The following EDA variants were observed in gnomAD, a reference collection of about 807,000 sequenced individuals.
The protein encoded by EDA is ectodysplasin A.
EDA carries 2 observed loss-of-function variants against 23.6 expected under a neutral mutation model. That is an observed-to-expected ratio of 0.08 (90% CI 0.03 to 0.27). EDA has a LOEUF of 0.27. Among genes scored for constraint, EDA ranks in the 10% least tolerant of loss-of-function variants. The pLI is 1.00. For synonymous variants in EDA, 131 were observed against 132.0 expected, an observed-to-expected ratio of 0.99 and a Z score of 0.05; for missense variants, 229 against 324.2, an observed-to-expected ratio of 0.71 and a Z score of 2.26.
At chrX:69,833,229 A>T (rs1392975282) in intron 1 of EDA, among the ~76,000 whole-genome samples, 2 of 111,627 alleles carry the variant, frequency 1.8e-5, no homozygotes, top group Non-Finnish European at 3.8e-5. Context: ...TACCTAATTT[A>T]TTGAGAGTTT....
In EDA at chrX:69,874,445, C is replaced by G. The variant is rs143486808; in HGVS notation, c.397-82582C>G. Among the ~76,000 whole-genome samples, 304 of 111,933 alleles carry G rather than the reference C, an allele frequency of 2.7e-3. No individual in the cohort carries two copies. The Middle Eastern group carries it at 0.05, about 19-fold the overall frequency. On this transcript the variant is annotated intron_variant, in intron 1 of 7. Coordinates refer to ENST00000374552, the MANE Select transcript of EDA (RefSeq NM_001399.5). Reference sequence around the variant, plus strand: ...AAAGCATTTGACAAAATCCATCATCCCTTTATGTTTAAAACCCTCAGCAAA... The same window carrying G: ...AAAGCATTTGACAAAATCCATCATCGCTTTATGTTTAAAACCCTCAGCAAA...
intron 1 of EDA, among the ~76,000 whole-genome samples, chrX:69,676,789 G>A (rs1001230073): frequency 2.7e-5 from 3 of 110,888 alleles, no homozygotes; most frequent in Non-Finnish European, 5.7e-5. Context: ...TCCATAATAT[G>A]AGCCCAACCT....
At chrX:69,980,301 G>T (rs921739431) in intron 2 of EDA, among the ~76,000 whole-genome samples, 6 of 111,674 alleles carry the variant, frequency 5.4e-5, no homozygotes, top group Admixed American at 1.9e-4. Flanking sequence ...ATATAGGTAT[G>T]TCTGTGCCTT....
chrX:69,726,557 C>G (rs2012811136), intron 1 of EDA, among the ~76,000 whole-genome samples: 1 of 112,367 alleles, frequency 8.9e-6, no homozygotes, highest in South Asian at 3.7e-4. Context: ...GTCTGGCATT[C>G]AATAAAAATA....
chrX:69,766,926 C>G (rs971421996), intron 1 of EDA, among the ~76,000 whole-genome samples: 1 of 112,034 alleles, frequency 8.9e-6, no homozygotes, highest in Non-Finnish European at 1.9e-5. Flanking sequence ...ATAAGCATTC[C>G]CTTTTCTCTA....
At chrX:69,710,542 A>C (rs1389767980) in intron 1 of EDA, among the ~76,000 whole-genome samples, 1 of 111,568 alleles carries the variant, frequency 9.0e-6, no homozygotes, top group Non-Finnish European at 1.9e-5. Flanking sequence ...TCATTGGTAA[A>C]TTGATGGGGA....
At chrX:70,024,599 C>T (rs753599418) in intron 3 of EDA, among the ~76,000 whole-genome samples, 6 of 112,833 alleles carry the variant, frequency 5.3e-5, no homozygotes, top group Non-Finnish European at 9.4e-5. Flanking sequence ...GAAGACAGTG[C>T]ACATAGGCTT....
At chrX:69,641,454 C>T (rs1434930729) in intron 1 of EDA, among the ~76,000 whole-genome samples, 2 of 110,653 alleles carry the variant, frequency 1.8e-5, no homozygotes, top group African/African-American at 6.6e-5. Flanking sequence ...TGGGAAACAC[C>T]CAAGTCAGTA....
At chrX:69,992,860 T>C (rs748632073) in intron 2 of EDA, among the ~76,000 whole-genome samples, 2 of 109,309 alleles carry the variant, frequency 1.8e-5, no homozygotes, top group Admixed American at 9.7e-5. Flanking sequence ...TTTTGTGTCT[T>C]CTTTATGAAA....
intron 1 of EDA, among the ~76,000 whole-genome samples, chrX:69,644,957 A>T: frequency 9.0e-6 from 1 of 111,663 alleles, no homozygotes. Flanking sequence ...TAACCTGGGG[A>T]TGAAGCTGAC....
intron 1 of EDA, among the ~76,000 whole-genome samples, chrX:69,753,072 C>T (rs1481942556): frequency 2.0e-4 from 22 of 110,849 alleles, no homozygotes; most frequent in African/African-American, 2.9e-4. Flanking sequence ...GTGTCTCTAT[C>T]TCCTTCAGTT....
chrX:69,663,317 G>T (rs927015608), intron 1 of EDA, among the ~76,000 whole-genome samples: 8 of 112,186 alleles, frequency 7.1e-5, no homozygotes, highest in African/African-American at 2.6e-4. Flanking sequence ...GCAGCCCAGG[G>T]ACTTGGTGTC....
At chrX:69,850,600 A>G (rs2017105414) in intron 1 of EDA, among the ~76,000 whole-genome samples, 1 of 112,087 alleles carries the variant, frequency 8.9e-6, no homozygotes, top group Admixed American at 9.5e-5. Flanking sequence ...TTCACTACCT[A>G]CAGTCTCATC....
intron 2 of EDA, among the ~76,000 whole-genome samples, chrX:69,994,004 C>T (rs867510829): frequency 2.7e-5 from 3 of 111,865 alleles, no homozygotes; most frequent in East Asian, 2.8e-4. Context: ...CCAAATGTAA[C>T]GCTGATGTGA....
At chrX:69,708,900 A>T (rs1395242855) in intron 1 of EDA, among the ~76,000 whole-genome samples, 1 of 111,826 alleles carries the variant, frequency 8.9e-6, no homozygotes, top group Non-Finnish European at 1.9e-5. Flanking sequence ...TCTGTGATAT[A>T]GCAAGACCCA....
rs759605349 is a variant in EDA at position 69,789,164 on chromosome X, G to T, written c.397-167863G>T. 2.2e-4 allele frequency among the ~76,000 whole-genome samples: 25 copies of T among 111,963 alleles called. No homozygotes were observed. In the South Asian group the frequency reaches 6.0e-3, roughly 27 times the overall value. On this transcript the variant is annotated intron_variant, in intron 1 of 7. Coordinates refer to ENST00000374552, the MANE Select transcript of EDA (RefSeq NM_001399.5). The stretch of plus-strand genomic sequence containing the variant: ...CCCTGCTTGGGCTCATGCATGGTGC[G>T]TGCACCCACTGACCTGCGCCCACTG...
chrX:69,855,788 G>T (rs12833975), intron 1 of EDA, among the ~76,000 whole-genome samples: 33,305 of 110,872 alleles, frequency 0.3, 4,701 homozygotes, highest in Middle Eastern at 0.55. Flanking sequence ...AGATTGTCTT[G>T]TATATTCGGG....
chrX:69,716,599 T>C (rs1399720738), intron 1 of EDA, among the ~76,000 whole-genome samples: 3 of 111,210 alleles, frequency 2.7e-5, no homozygotes, highest in Non-Finnish European at 5.7e-5. Flanking sequence ...TTTTTCTAGT[T>C]CTGTGAAGAA....
chrX:69,935,931 A>C (rs1405893499), intron 1 of EDA, among the ~76,000 whole-genome samples: 1 of 108,647 alleles, frequency 9.2e-6, no homozygotes, highest in African/African-American at 3.3e-5. Flanking sequence ...ATTCTCAAGC[A>C]TCAAAATGTT....
Sources: allele counts gnomAD v4.1 joint callset (sites outside exome capture counted in the v4.1 genomes callset), GRCh38; gene constraint gnomAD v4.1.1; transcripts MANE v1.5; gene names NCBI Gene and HGNC (gene_info 2026-07-23, HGNC 2026-07-21).